NME7: variants seen among roughly 807,000 people sequenced by gnomAD.
NME7 encodes the protein NME/NM23 family member 7.
In NME7, 41 loss-of-function variants were observed where a neutral mutation model predicts 49.1. The ratio of observed to expected loss-of-function variants is 0.83; its 90% CI spans 0.65 to 1.08. NME7 has a LOEUF of 1.08. NME7 is among the 50% of genes least tolerant of loss of function. NME7 has a pLI of 0.00. For synonymous variants in NME7, 139 were observed against 150.6 expected, an observed-to-expected ratio of 0.92 and a Z score of 0.56; for missense variants, 423 against 463.4, an observed-to-expected ratio of 0.91 and a Z score of 0.80.
intron 10 of NME7, among the ~76,000 whole-genome samples, chr1:169,209,585 C>T (rs1256086272): frequency 6.6e-6 from 1 of 152,068 alleles, no homozygotes; most frequent in East Asian, 1.9e-4. Flanking sequence ...ATTTCTAGTC[C>T]GATTTCCTTT....
chr1:169,306,362 G>A (rs931802386), intron 4 of NME7, among the ~76,000 whole-genome samples: 86 of 152,248 alleles, frequency 5.6e-4, no homozygotes, highest in African/African-American at 2.0e-3. Flanking sequence ...CTTGAGGTAG[G>A]AAATGAGCCA....
rs1342796015 is a variant in NME7 at position 169,265,989 on chromosome 1, A to G, written c.754+21314T>C. ...CAGTAAAAGCCTACCAATCAAACAA[A>G]AGGCCCAGGACCAGACGGATTCATA... On this transcript the variant is annotated intron_variant, in intron 7 of 11. Transcript: ENST00000367811. 3.0e-5 allele frequency among the ~76,000 whole-genome samples: 4 copies of G among 132,474 alleles called. No homozygotes were observed. In the East Asian group the frequency reaches 8.0e-4, roughly 27 times the overall value. 86.9% of individuals were successfully genotyped at this position (132,474 alleles called of 152,430 possible).
chr1:169,173,887 C>A (rs887128672), intron 10 of NME7, among the ~76,000 whole-genome samples: 3 of 152,164 alleles, frequency 2.0e-5, no homozygotes, highest in Admixed American at 6.5e-5. Flanking sequence ...ATAAATAATT[C>A]TTAAAAAGTT....
At chr1:169,256,180 C>T (rs1416539876) in intron 7 of NME7, among the ~76,000 whole-genome samples, 5 of 133,388 alleles carry the variant, frequency 3.7e-5, no homozygotes, top group African/African-American at 1.3e-4. Flanking sequence ...GTTCCATTCT[C>T]CCCATCACTT....
At chr1:169,287,472 C>T in intron 6 of NME7, 64 bp from the exon 7 acceptor site, 1 of 1,132,774 alleles carries the variant, frequency 8.8e-7, no homozygotes. Flanking sequence ...CAAGATATTT[C>T]TGTGGGGGAG....
Position 169,260,113 on chromosome 1 carries a change from G to A in NME7, c.755-22426C>T, listed in dbSNP as rs183302155. Among the ~76,000 whole-genome samples, 7 of 133,754 alleles carry A rather than the reference G, an allele frequency of 5.2e-5. 2 individuals carry two copies. Among genetic ancestry groups the A allele is most frequent in the Admixed American group, 1.5e-4 (2 of 13,650 alleles). 87.7% of individuals were successfully genotyped at this position (133,754 alleles called of 152,430 possible). On this transcript the variant is annotated intron_variant, in intron 7 of 11. Transcript: ENST00000367811. ...CATAGTAGATGTAAGTTGGTGATAGGTTAGAAAAGAACTAATAACTAAAAT... is the reference window on the plus strand; with the variant it reads ...CATAGTAGATGTAAGTTGGTGATAGATTAGAAAAGAACTAATAACTAAAAT...
chr1:169,168,927 G>C, intron 11 of NME7: 2 of 455,552 alleles, frequency 4.4e-6, no homozygotes, highest in Non-Finnish European at 8.8e-6. Context: ...GAATATATAA[G>C]TGGACCAGCA....
chr1:169,339,638 C>G (rs1157998567), intron 1 of NME7, among the ~76,000 whole-genome samples: 1 of 152,186 alleles, frequency 6.6e-6, no homozygotes, highest in East Asian at 1.9e-4. Context: ...AGCTATTGTA[C>G]TACTTGGTCT....
At chr1:169,230,571 T>A in intron 10 of NME7, 147 bp downstream of exon 10, 1 of 446,754 alleles carries the variant, frequency 2.2e-6, no homozygotes, top group Non-Finnish European at 4.0e-6. Context: ...AAAAATAAAT[T>A]TTATGAAGTG....
At chr1:169,149,239 G>A (rs572536155) in intron 11 of NME7, among the ~76,000 whole-genome samples, 52 of 152,234 alleles carry the variant, frequency 3.4e-4, no homozygotes, top group Admixed American at 2.0e-3. Flanking sequence ...TACTCGGGAG[G>A]CCAAGGCAGG....
chr1:169,140,148 G>T (rs1490754475), intron 11 of NME7, among the ~76,000 whole-genome samples: 1 of 151,130 alleles, frequency 6.6e-6, no homozygotes, highest in Non-Finnish European at 1.5e-5. Flanking sequence ...TGTACAGAAA[G>T]ACAGAAGAAA....
chr1:169,317,984 C>T (rs927050472), intron 3 of NME7, among the ~76,000 whole-genome samples: 9 of 152,296 alleles, frequency 5.9e-5, no homozygotes, highest in African/African-American at 2.2e-4. Flanking sequence ...TAAGGGATAG[C>T]GTATTGTTCT....
At chr1:169,190,130 C>A (rs974382104) in intron 10 of NME7, among the ~76,000 whole-genome samples, 11 of 151,898 alleles carry the variant, frequency 7.2e-5, no homozygotes, top group Admixed American at 7.2e-4. Context: ...GAAATTAGTT[C>A]CAAGGTAAAA....
At chr1:169,201,400 A>T (rs1388850867) in intron 10 of NME7, among the ~76,000 whole-genome samples, 1 of 152,162 alleles carries the variant, frequency 6.6e-6, no homozygotes, top group Non-Finnish European at 1.5e-5. Context: ...CATTTTAAAA[A>T]GATTACTCAG....
intron 5 of NME7, among the ~76,000 whole-genome samples, chr1:169,299,576 G>A (rs1650860610): frequency 6.6e-6 from 1 of 152,046 alleles, no homozygotes; most frequent in African/African-American, 2.4e-5. Flanking sequence ...CCAAAGTAGA[G>A]AGAAGAGATC....
At chr1:169,310,259 T>C (rs1296775229) in intron 3 of NME7, among the ~76,000 whole-genome samples, 179 bp from the exon 4 acceptor site, 1 of 152,086 alleles carries the variant, frequency 6.6e-6, no homozygotes, top group East Asian at 1.9e-4. Context: ...CTTAGTATTT[T>C]TCCCATGAAC....
chr1:169,291,646 T>TATA (rs36042457), intron 6 of NME7, among the ~76,000 whole-genome samples: 3,301 of 149,458 alleles, frequency 0.022, 110 homozygotes, highest in African/African-American at 0.073. Flanking sequence ...GAACTTAAAG[T>TATA]ATAATAATAA....
Position 169,230,788 on chromosome 1 carries a change from C to A in NME7, c.920G>T (p.Cys307Phe). ...ATTCTGTTGAATCTCCATTGCTACA[C>A]AAGGGCCAGAATACATTTCTGTCAC... is the stretch of plus-strand genomic sequence containing the variant. ...DMVTEMYSGP[C>F]VAMEIQQNNA... Residue 307 changes from cysteine to phenylalanine, a missense_variant, in exon 10 of 12, where the codon TGT becomes TTT. Transcript: ENST00000367811. 1.2e-6 allele frequency: 2 copies of A among 1,606,230 alleles called. No individual in the cohort carries two copies. Among genetic ancestry groups the A allele is most frequent in the Non-Finnish European group, 1.7e-6 (2 of 1,176,688 alleles).
intron 1 of NME7, among the ~76,000 whole-genome samples, chr1:169,342,294 C>A (rs1025201371): frequency 1.3e-5 from 2 of 151,820 alleles, no homozygotes; most frequent in African/African-American, 4.8e-5. Context: ...CTCTCTCCTG[C>A]CACCTTGTGA....
Sources: allele counts gnomAD v4.1 joint callset (sites outside exome capture counted in the v4.1 genomes callset), GRCh38; gene constraint gnomAD v4.1.1; transcripts MANE v1.5; gene names NCBI Gene and HGNC (gene_info 2026-07-23, HGNC 2026-07-21).